PHACTR1: variants seen among roughly 807,000 people sequenced by gnomAD.
The protein encoded by PHACTR1 is RPEL repeat containing 1.
Under a neutral mutation model 69.2 loss-of-function variants are expected in PHACTR1, and 16 were observed. That is an observed-to-expected ratio of 0.23 (90% CI 0.16 to 0.35). The LOEUF (loss-of-function observed/expected upper bound fraction) is 0.35. PHACTR1 is among the 10% of genes least tolerant of loss of function. PHACTR1 has a pLI of 1.00. For missense variants in PHACTR1, 510 were observed against 734.7 expected, an observed-to-expected ratio of 0.69 and a Z score of 3.54; for synonymous variants, 312 against 284.5, an observed-to-expected ratio of 1.10 and a Z score of -0.97.
chr6:12,849,551 CTGGGGCTGGCACAGAGTCCATA>C (rs1779629934), intron 4 of PHACTR1, among the ~76,000 whole-genome samples: 1 of 152,118 alleles, frequency 6.6e-6, no homozygotes, highest in Non-Finnish European at 1.5e-5. Flanking sequence ...GTCAGACAGC[CTGGGGCTGGCACAGAGTCCATA>C]TGGGCGGGAA....
intron 4 of PHACTR1, among the ~76,000 whole-genome samples, chr6:12,891,860 G>C (rs1784200427): frequency 6.6e-6 from 1 of 152,188 alleles, no homozygotes; most frequent in Admixed American, 6.5e-5. Flanking sequence ...CTCTCAGCAA[G>C]TCTTTTAAAC....
chr6:13,025,137 C>T (rs1801502965), intron 4 of PHACTR1, among the ~76,000 whole-genome samples: 1 of 151,920 alleles, frequency 6.6e-6, no homozygotes, highest in Non-Finnish European at 1.5e-5. Flanking sequence ...TGCCTATAGT[C>T]CCAGCTGCTT....
chr6:12,801,456 A>G (rs746397370), intron 4 of PHACTR1, among the ~76,000 whole-genome samples: 7 of 152,240 alleles, frequency 4.6e-5, no homozygotes, highest in African/African-American at 7.2e-5. Flanking sequence ...GAGCAAGTTC[A>G]TAAGGGGCCA....
intron 4 of PHACTR1, among the ~76,000 whole-genome samples, chr6:12,848,021 T>C (rs9369609): frequency 0.79 from 119,687 of 152,152 alleles, 47,689 homozygotes; most frequent in Middle Eastern, 0.87. Flanking sequence ...TTCCTGAGAC[T>C]GCAGCTGATC....
At chr6:12,770,854 G>C (rs1769292815) in intron 4 of PHACTR1, among the ~76,000 whole-genome samples, 1 of 152,208 alleles carries the variant, frequency 6.6e-6, no homozygotes, top group African/African-American at 2.4e-5. Context: ...ACCCAGTGTG[G>C]CTTCTTGGTG....
intron 5 of PHACTR1, among the ~76,000 whole-genome samples, chr6:13,141,205 C>T (rs997966372): frequency 6.4e-4 from 97 of 152,184 alleles, no homozygotes; most frequent in African/African-American, 2.2e-3. Flanking sequence ...TCCCTAACTC[C>T]AGCCAAGATT....
At chr6:13,096,015 T>C (rs1255005872) in intron 5 of PHACTR1, among the ~76,000 whole-genome samples, 2 of 152,100 alleles carry the variant, frequency 1.3e-5, no homozygotes. Context: ...CTGAAATTAT[T>C]ACAACTGGGA....
chr6:13,222,408 G>A (rs756041435), intron 8 of PHACTR1, among the ~76,000 whole-genome samples: 12 of 152,300 alleles, frequency 7.9e-5, no homozygotes, highest in Non-Finnish European at 1.3e-4. Context: ...AACAGCTCAG[G>A]AACTGAAGGC....
chr6:13,032,457 T>C (rs1176768371), intron 4 of PHACTR1, among the ~76,000 whole-genome samples: 2 of 152,250 alleles, frequency 1.3e-5, no homozygotes, highest in Non-Finnish European at 2.9e-5. Flanking sequence ...CTCATGATTA[T>C]GATTATGCAG....
chr6:12,833,678 G>A lies in PHACTR1; in HGVS notation c.250+83888G>A, dbSNP rs73722871. Among the ~76,000 whole-genome samples, 1,009 of 152,146 alleles carry A rather than the reference G, an allele frequency of 6.6e-3. 18 individuals carry two copies. Among genetic ancestry groups the A allele is most frequent in the African/African-American group, 0.022 (897 of 41,520 alleles). ...AGTTATTTACTGGTCTCCTGCTTCC[G>A]CTCTTACATATACACACATGGACAT... is the stretch of plus-strand genomic sequence containing the variant. On this transcript the variant is annotated intron_variant, in intron 4 of 14. Transcript: ENST00000332995.
chr6:13,213,386 T>C (rs1473530497), intron 8 of PHACTR1, among the ~76,000 whole-genome samples: 1 of 152,178 alleles, frequency 6.6e-6, no homozygotes, highest in Non-Finnish European at 1.5e-5. Flanking sequence ...TTCAAGACAT[T>C]AAAATACCAG....
At chr6:13,016,564 T>C (rs1190953490) in intron 4 of PHACTR1, among the ~76,000 whole-genome samples, 6 of 152,128 alleles carry the variant, frequency 3.9e-5, no homozygotes, top group Admixed American at 3.9e-4. Flanking sequence ...AAGGATAAAA[T>C]ATGTCTGGTT....
chr6:13,187,130 T>C (rs1329940928), intron 7 of PHACTR1, among the ~76,000 whole-genome samples: 1 of 152,088 alleles, frequency 6.6e-6, no homozygotes, highest in Non-Finnish European at 1.5e-5. Flanking sequence ...TAAATACAAA[T>C]GAAGCTTTGC....
chr6:13,007,764 C>T (rs1009631872), intron 4 of PHACTR1, among the ~76,000 whole-genome samples: 1 of 149,434 alleles, frequency 6.7e-6, no homozygotes, highest in Non-Finnish European at 1.5e-5. Context: ...ATGCTGCAAT[C>T]AAAAAACTAC....
chr6:13,106,322 T>C (rs1816130618), intron 5 of PHACTR1, among the ~76,000 whole-genome samples: 1 of 152,212 alleles, frequency 6.6e-6, no homozygotes, highest in South Asian at 2.1e-4. Context: ...TGAGGATATT[T>C]TTAAGAGCAT....
At chr6:12,922,059 T>C (rs528379727) in intron 4 of PHACTR1, among the ~76,000 whole-genome samples, 17 of 152,320 alleles carry the variant, frequency 1.1e-4, no homozygotes, top group Admixed American at 2.6e-4. Flanking sequence ...CACTTTGCTT[T>C]GTGGCACTAT....
chr6:13,091,051 G>A (rs1813188032), intron 5 of PHACTR1, among the ~76,000 whole-genome samples: 1 of 151,962 alleles, frequency 6.6e-6, no homozygotes, highest in Non-Finnish European at 1.5e-5. Context: ...TCACTCTGTT[G>A]CCCAGGCTGG....
chr6:12,932,179 G>A (rs1356130153), intron 4 of PHACTR1, among the ~76,000 whole-genome samples: 1 of 152,106 alleles, frequency 6.6e-6, no homozygotes, highest in Non-Finnish European at 1.5e-5. Flanking sequence ...CTGCTACTGA[G>A]GCCATTACCA....
chr6:13,064,859 T>C (rs1808383923), intron 5 of PHACTR1, among the ~76,000 whole-genome samples: 1 of 151,732 alleles, frequency 6.6e-6, no homozygotes, highest in African/African-American at 2.4e-5. Flanking sequence ...TTGTCTATTG[T>C]TTTTCAATAA....
Sources: gnomAD v4.1 joint callset for allele counts (sites outside exome capture counted in the v4.1 genomes callset) on GRCh38, gnomAD v4.1.1 for gene constraint, MANE v1.5 for transcripts, NCBI Gene and HGNC (gene_info 2026-07-23, HGNC 2026-07-21) for gene names.